The following ULK4 variants were observed in gnomAD, a reference collection of about 807,000 sequenced individuals.
ULK4 encodes the protein unc-51 like kinase 4.
In ULK4, 133 loss-of-function variants were observed where a neutral mutation model predicts 160.6. The ratio of observed to expected loss-of-function variants is 0.83; its 90% CI spans 0.72 to 0.96. The LOEUF is 0.96. Among genes scored for constraint, ULK4 ranks in the 40% least tolerant of loss-of-function variants. ULK4 has a pLI of 0.00. For missense variants in ULK4, 1,580 were observed against 1,499.5 expected (o/e 1.05, Z -0.89); for synonymous variants, 534 against 539.8 (o/e 0.99, Z 0.15).
intron 25 of ULK4, among the ~76,000 whole-genome samples, chr3:41,709,834 T>C (rs2037029491): frequency 6.6e-6 from 1 of 152,194 alleles, no homozygotes; most frequent in South Asian, 2.1e-4. Flanking sequence ...ATCTTTTGAC[T>C]TAAACACATG....
At chr3:41,821,006 C>T (rs559159272) in intron 18 of ULK4, among the ~76,000 whole-genome samples, 54 of 152,230 alleles carry the variant, frequency 3.5e-4, no homozygotes, top group African/African-American at 1.3e-3. Context: ...TTATTCTTCC[C>T]TTATTTAAAA....
intron 31 of ULK4, among the ~76,000 whole-genome samples, chr3:41,566,595 T>C (rs1221922597): frequency 6.6e-6 from 1 of 152,228 alleles, no homozygotes; most frequent in African/African-American, 2.4e-5. Flanking sequence ...TAAACTACAT[T>C]TGGACCTAAA....
At chr3:41,454,189 A>G (rs1456288583) in intron 34 of ULK4, among the ~76,000 whole-genome samples, 7 of 149,200 alleles carry the variant, frequency 4.7e-5, no homozygotes, top group Admixed American at 2.7e-4. Context: ...AAAAAAAAAA[A>G]AGAAAAAAGA....
chr3:41,891,400 A>G (rs1697958811), intron 16 of ULK4, among the ~76,000 whole-genome samples: 3 of 151,174 alleles, frequency 2.0e-5, no homozygotes. Context: ...AAATTAGTAA[A>G]AAGAGATTCC....
At chr3:41,761,569 CA>C (rs1242232873) in intron 21 of ULK4, among the ~76,000 whole-genome samples, 1 of 151,242 alleles carries the variant, frequency 6.6e-6, no homozygotes, top group African/African-American at 2.4e-5. Context: ...CTGAGACTTT[CA>C]AAAGAACAAA....
intron 16 of ULK4, 35 bp from the exon 17 acceptor site, chr3:41,883,987 G>A (rs749448154): frequency 2.1e-5 from 31 of 1,499,180 alleles, no homozygotes; most frequent in Admixed American, 8.4e-5. Context: ...CTGAAAAGAA[G>A]AGTCGGGGAC....
intron 35 of ULK4, among the ~76,000 whole-genome samples, chr3:41,286,382 G>T (rs1302092766): frequency 1.3e-5 from 2 of 152,090 alleles, no homozygotes; most frequent in Non-Finnish European, 2.9e-5. Flanking sequence ...TAACCTGGTA[G>T]CTACATGAGG....
At chr3:41,917,178 T>G (rs147441429) in intron 7 of ULK4, among the ~76,000 whole-genome samples, 158 of 152,316 alleles carry the variant, frequency 1.0e-3, no homozygotes, top group African/African-American at 3.4e-3. Context: ...ATTAGTTATA[T>G]ACCATATCCA....
intron 30 of ULK4, among the ~76,000 whole-genome samples, chr3:41,661,397 G>C (rs921844802): frequency 6.6e-6 from 1 of 151,984 alleles, no homozygotes; most frequent in African/African-American, 2.4e-5. Context: ...ATGTGTGTGT[G>C]TGCGTGCCCA....
At chr3:41,416,388 T>G (rs1231087904) in intron 34 of ULK4, among the ~76,000 whole-genome samples, 1 of 152,218 alleles carries the variant, frequency 6.6e-6, no homozygotes, top group East Asian at 1.9e-4. Flanking sequence ...GAGCAGAGCT[T>G]AACCTGGCAG....
At chr3:41,863,679 C>T (rs558394981) in intron 17 of ULK4, among the ~76,000 whole-genome samples, 4 of 151,824 alleles carry the variant, frequency 2.6e-5, no homozygotes, top group East Asian at 2.0e-4. Context: ...CTGACAGGAC[C>T]GGGTCCTTTC....
intron 33 of ULK4, among the ~76,000 whole-genome samples, chr3:41,462,018 C>A (rs2083697649): frequency 6.6e-6 from 1 of 152,180 alleles, no homozygotes; most frequent in Non-Finnish European, 1.5e-5. Context: ...CTAATAAAAG[C>A]AGCTAGGTAA....
intron 35 of ULK4, among the ~76,000 whole-genome samples, chr3:41,306,747 C>T (rs865980067): frequency 1.6e-4 from 24 of 151,322 alleles, no homozygotes; most frequent in Non-Finnish European, 2.5e-4. Flanking sequence ...GGATGGTTGC[C>T]GTGTCTGTGT....
At chr3:41,953,924 C>G (rs1164817719) in intron 2 of ULK4, among the ~76,000 whole-genome samples, 1 of 152,010 alleles carries the variant, frequency 6.6e-6, no homozygotes, top group Non-Finnish European at 1.5e-5. Context: ...TGGCTCACAC[C>G]TGTAATCCCA....
intron 16 of ULK4, among the ~76,000 whole-genome samples, chr3:41,890,736 AGGGAC>A (rs1697905403): frequency 2.4e-4 from 3 of 12,568 alleles, no homozygotes; most frequent in East Asian, 4.2e-3. Flanking sequence ...GAGGGAAGGA[AGGGAC>A]AGGAGGGACG....
chr3:41,338,285 G>A (rs529831600), intron 35 of ULK4, among the ~76,000 whole-genome samples: 124 of 152,160 alleles, frequency 8.1e-4, no homozygotes, highest in Non-Finnish European at 1.5e-3. Flanking sequence ...GGGGCAGAAC[G>A]GCCCCTGGAG....
intron 19 of ULK4, among the ~76,000 whole-genome samples, chr3:41,816,323 A>G (rs1337227265): frequency 1.3e-5 from 2 of 152,208 alleles, no homozygotes; most frequent in Non-Finnish European, 2.9e-5. Context: ...TGATTATTAC[A>G]GCTTTCTTTT....
rs115192345 is a variant in ULK4 at position 41,568,629 on chromosome 3, G to A, written c.3121-2499C>T. On this transcript the variant is annotated intron_variant, in intron 31 of 36. Coordinates refer to ENST00000301831, the MANE Select transcript of ULK4 (RefSeq NM_017886.4). ...GCCTCCATACATTTCTACCAGTTGTGTGGAAAAACACACATAAACTCTTAA... is the reference window on the plus strand; with the variant it reads ...GCCTCCATACATTTCTACCAGTTGTATGGAAAAACACACATAAACTCTTAA... 4.0e-3 allele frequency among the ~76,000 whole-genome samples: 604 copies of A among 152,258 alleles called. 6 individuals carry two copies. The highest frequency in any genetic ancestry group is 0.014 in the African/African-American group (568 of 41,538).
intron 22 of ULK4, among the ~76,000 whole-genome samples, chr3:41,749,386 G>A (rs1372785474): frequency 6.6e-6 from 1 of 152,078 alleles, no homozygotes; most frequent in East Asian, 1.9e-4. Context: ...AGGAGGCTGA[G>A]GCAGGAGAAT....
Sources: gnomAD v4.1 joint callset for allele counts (sites outside exome capture counted in the v4.1 genomes callset) on GRCh38, gnomAD v4.1.1 for gene constraint, MANE v1.5 for transcripts, NCBI Gene and HGNC (gene_info 2026-07-23, HGNC 2026-07-21) for gene names.